Variants in CROCC observed in about 807,000 individuals in gnomAD.
The protein encoded by CROCC is ciliary rootlet coiled-coil, rootletin.
A neutral mutation model predicts 245.2 loss-of-function variants in CROCC; 180 were observed. The observed-to-expected ratio is 0.73, with a 90% CI of 0.65 to 0.83. CROCC has a LOEUF of 0.83. Among genes scored for constraint, CROCC ranks in the 40% least tolerant of loss-of-function variants. CROCC has a pLI of 0.00. For missense variants in CROCC, 2,688 were observed against 2,779.4 expected, an observed-to-expected ratio of 0.97 and a Z score of 0.74; for synonymous variants, 1,205 against 1,241.6, an observed-to-expected ratio of 0.97 and a Z score of 0.62.
At chr1:16,958,540 C>T (rs1363445682) in intron 25 of CROCC, 43 bp from the exon 26 acceptor site, 1 of 1,547,684 alleles carries the variant, frequency 6.5e-7, no homozygotes, top group Non-Finnish European at 8.7e-7. Flanking sequence ...TGGGAGGGTA[C>T]AGGGGCAGAG....
At position 16,924,488 on chromosome 1, in the gene CROCC, C is replaced by T. The variant is rs767770416; in HGVS notation, c.351+9C>T. 4.2e-5 allele frequency: 68 copies of T among 1,609,952 alleles called. No individual in the cohort carries two copies. The highest frequency in any genetic ancestry group is 1.1e-4 in the East Asian group (5 of 44,832). On this transcript the variant is annotated intron_variant, in intron 3 of 36. Transcript: ENST00000375541. Reference sequence around the variant, plus strand: ...ATGCGGTCAGCGAGAGGGTGGGTGCCGCCCAGGTGGTGGACTAGGCCAGGG... The same window carrying T: ...ATGCGGTCAGCGAGAGGGTGGGTGCTGCCCAGGTGGTGGACTAGGCCAGGG...
At chr1:16,969,643 TG>T in intron 32 of CROCC, 141 bp from the exon 33 acceptor site, 1 of 1,210,856 alleles carries the variant, frequency 8.3e-7, no homozygotes, top group Non-Finnish European at 1.1e-6. Flanking sequence ...GGATAGGCCG[TG>T]GATGGGTTTG....
At chr1:16,927,827 C>A (rs2075570561) in intron 3 of CROCC, among the ~76,000 whole-genome samples, 1 of 152,294 alleles carries the variant, frequency 6.6e-6, no homozygotes. Flanking sequence ...GGCAGAAACC[C>A]CCTACTTCCA....
rs777102015 is a variant in CROCC at position 16,971,645 on chromosome 1, C to T, written c.5965C>T (p.Gln1989Ter). Residue 1989 changes from glutamine (Q) to a stop codon, truncating the protein, a stop_gained and splice_region_variant, in exon 36 of 37, where the codon CAG becomes TAG. Coordinates refer to ENST00000375541, the MANE Select transcript of CROCC (RefSeq NM_014675.5). LOFTEE classifies it high-confidence loss of function. ...HRQRVRGLEE[Q>*]VSTLKGQLQQ... ...CCAGAGGGTGCGTGGGCTGGAGGAG[C>T]AGGTGTGCAGGCCCCCTTAGAAGGC... 3.4e-6 allele frequency: 5 copies of T among 1,488,008 alleles called. No individual in the cohort carries two copies. In the African/African-American group the frequency reaches 4.2e-5, roughly 12 times the overall value. 92.2% of individuals were successfully genotyped at this position (1,488,008 alleles called of 1,614,324 possible).
chr1:16,967,032 C>T (rs1435720406), intron 30 of CROCC, among the ~76,000 whole-genome samples: 2 of 148,534 alleles, frequency 1.3e-5, no homozygotes, highest in East Asian at 4.0e-4. Context: ...TCTAGCAAGG[C>T]AGAGTGAGAC....
At chr1:16,936,547 G>GT (rs2100399902) in intron 8 of CROCC, 90 bp from the exon 9 acceptor site, 1 of 1,317,932 alleles carries the variant, frequency 7.6e-7, no homozygotes, top group African/African-American at 1.4e-5. Context: ...GGGATTATAG[G>GT]TGTGAGCCAC....
At chr1:16,965,559 G>A (rs1440210359) in intron 27 of CROCC, among the ~76,000 whole-genome samples, 164 bp from the exon 28 acceptor site, 1 of 152,180 alleles carries the variant, frequency 6.6e-6, no homozygotes, top group African/African-American at 2.4e-5. Context: ...GTTTGTAAAG[G>A]GTGAGAGGGT....
intron 27 of CROCC, among the ~76,000 whole-genome samples, chr1:16,964,142 T>C (rs547668781): frequency 6.7e-6 from 1 of 150,224 alleles, no homozygotes; most frequent in African/African-American, 2.4e-5. Flanking sequence ...TCTTTATTTT[T>C]TTTTTTTTTT....
intron 10 of CROCC, among the ~76,000 whole-genome samples, chr1:16,938,060 G>A (rs1288381394): frequency 4.1e-4 from 63 of 152,358 alleles, no homozygotes; most frequent in African/African-American, 1.3e-3. Context: ...GTCCAGATGC[G>A]GCCTCTGGCA....
chr1:16,915,428 C>G (rs534209190), intron 1 of CROCC, among the ~76,000 whole-genome samples: 1 of 152,248 alleles, frequency 6.6e-6, no homozygotes, highest in Non-Finnish European at 1.5e-5. Context: ...GTGGGAGGAC[C>G]GCTTGAGCCC....
At chr1:16,931,527 C>T (rs2075678081) in intron 8 of CROCC, 130 bp downstream of exon 8, 5 of 800,036 alleles carry the variant, frequency 6.2e-6, no homozygotes, top group East Asian at 2.7e-5. Context: ...GACACAGAGG[C>T]AACTTGTAAT....
chr1:16,965,793 AC>A lies in CROCC; in HGVS notation c.4478del (p.Pro1493LeufsTer43). 6.2e-7 allele frequency: 1 copy of A among 1,613,500 alleles called. No individual in the cohort carries two copies. The highest frequency in any genetic ancestry group is 8.5e-7 in the Non-Finnish European group (1 of 1,179,996). The part of the protein sequence containing the change: ...SPGSQPPSPG[P>X]ATSPASPDLD... ...CTGGGTCCCAGCCACCATCTCCAGG[AC>A]CTGCCACCTCCCCAGCCTCTCCAGA... On this transcript the variant is annotated frameshift_variant, in exon 28 of 37. Coordinates refer to ENST00000375541, the MANE Select transcript of CROCC (RefSeq NM_014675.5). LOFTEE classifies it high-confidence loss of function.
At chr1:16,960,460 G>T (rs1244664383) in intron 26 of CROCC, among the ~76,000 whole-genome samples, 1 of 152,142 alleles carries the variant, frequency 6.6e-6, no homozygotes, top group Non-Finnish European at 1.5e-5. Context: ...AATATTTTTT[G>T]GAAAGTTACT....
rs1179026553 is a variant in CROCC, at chr1:16,944,268, G to C, written c.1977G>C (p.Arg659=). ...DAVQDGARVR[R]ELERSHRQLE... The stretch of plus-strand genomic sequence containing the variant: ...TGCAGGATGGCGCGCGGGTGCGCCG[G>C]GAGCTTGAGCGCAGGTGAGCAGCAT... Residue 659 remains arginine (R), a synonymous_variant, in exon 14 of 37, where the codon CGG becomes CGC. Coordinates refer to ENST00000375541, the MANE Select transcript of CROCC (RefSeq NM_014675.5). The C allele has an allele frequency of 6.5e-7, 1 of 1,541,844 alleles. No homozygotes were observed. Among genetic ancestry groups the C allele is most frequent in the South Asian group, 1.2e-5 (1 of 83,358 alleles).
intron 25 of CROCC, among the ~76,000 whole-genome samples, chr1:16,957,947 G>A (rs2076272890): frequency 2.0e-5 from 3 of 152,040 alleles, no homozygotes; most frequent in Admixed American, 2.0e-4. Flanking sequence ...TGCATGCTAC[G>A]GCCTCTCCTG....
chr1:16,923,932 C>T (rs1489440956), intron 2 of CROCC, among the ~76,000 whole-genome samples: 4 of 152,252 alleles, frequency 2.6e-5, no homozygotes, highest in Non-Finnish European at 4.4e-5. Flanking sequence ...CCTCCTATCT[C>T]GACTCCCAAA....
In CROCC at chr1:16,930,443, C is replaced by A. The variant is rs1032486312; in HGVS notation, c.698C>A (p.Ala233Asp). ...EEEQQRSASL[A>D]QVNAMLREQL... ...GCCCCATTCAGGAGTGCCAGCCTGG[C>A]CCAGGTGAATGCCATGCTCCGAGAA... is the stretch of plus-strand genomic sequence containing the variant. Residue 233 changes from alanine (A) to aspartate (D), a missense_variant, in exon 7 of 37, where the codon GCC becomes GAC. Physicochemically the swap from Ala to Asp is moderately radical, Grantham distance 126. Transcript: ENST00000375541. The A allele has an allele frequency of 1.2e-6, 2 of 1,611,780 alleles. No individual in the cohort carries two copies. Among genetic ancestry groups the A allele is most frequent in the African/African-American group, 2.7e-5 (2 of 74,912 alleles).
At chr1:16,969,559 C>G (rs929150074) in intron 32 of CROCC, among the ~76,000 whole-genome samples, 2 of 152,180 alleles carry the variant, frequency 1.3e-5, no homozygotes, top group African/African-American at 4.8e-5. Context: ...CTGGTATAGA[C>G]TTGGGGGGAC....
At chr1:16,971,815 G>T (rs1295382118) in intron 36 of CROCC, among the ~76,000 whole-genome samples, 168 bp downstream of exon 36, 2 of 152,186 alleles carry the variant, frequency 1.3e-5, no homozygotes, top group Non-Finnish European at 2.9e-5. Context: ...CGGGGCCACG[G>T]GATGCTCCTG....
Sources: gnomAD v4.1 joint callset for allele counts (sites outside exome capture counted in the v4.1 genomes callset) on GRCh38, gnomAD v4.1.1 for gene constraint, MANE v1.5 for transcripts, NCBI Gene and HGNC (gene_info 2026-07-23, HGNC 2026-07-21) for gene names.